SCUBE1: variants seen among roughly 807,000 people sequenced by gnomAD.
The protein encoded by SCUBE1 is signal peptide, CUB and EGF-like domain-containing protein 1.
SCUBE1 carries 59 observed loss-of-function variants against 124.4 expected under a neutral mutation model. The observed-to-expected ratio is 0.47, with a 90% CI of 0.38 to 0.59. SCUBE1 has a LOEUF of 0.59. Ranked by LOEUF, SCUBE1 falls within the 20% of genes least tolerant of loss-of-function variation. The probability of loss-of-function intolerance (pLI) is 0.00; values close to 1 mark genes in which losing one functional copy is unlikely to be tolerated. For missense variants in SCUBE1, 1,150 were observed against 1,371.2 expected (o/e 0.84, Z 2.55); for synonymous variants, 545 against 550.9 (o/e 0.99, Z 0.15).
At chr22:43,277,501 G>A (rs1391761075) in intron 4 of SCUBE1, among the ~76,000 whole-genome samples, 1 of 152,232 alleles carries the variant, frequency 6.6e-6, no homozygotes, top group African/African-American at 2.4e-5. Context: ...CATCTGGGCT[G>A]CACAGCACCC....
intron 14 of SCUBE1, 86 bp from the exon 15 acceptor site, chr22:43,218,544 C>T (rs1052947458): frequency 2.1e-6 from 3 of 1,436,168 alleles, no homozygotes; most frequent in African/African-American, 2.8e-5. Flanking sequence ...CCGTGCCAGG[C>T]CCTGCACTGG....
intron 15 of SCUBE1, among the ~76,000 whole-genome samples, chr22:43,215,395 G>T (rs1921765553): frequency 1.3e-5 from 2 of 152,254 alleles, no homozygotes; most frequent in African/African-American, 4.8e-5. Flanking sequence ...CTTTCCTACA[G>T]GAGAATGTGA....
chr22:43,292,659 A>T (rs1925409550), intron 3 of SCUBE1, among the ~76,000 whole-genome samples: 1 of 151,930 alleles, frequency 6.6e-6, no homozygotes, highest in Admixed American at 6.6e-5. Flanking sequence ...TATTGGAACC[A>T]AAAGGATGTG....
rs1343069022 is a variant in SCUBE1, at chr22:43,255,061, T to A, written c.727+3158A>T. Among the ~76,000 whole-genome samples, 1 of 152,206 alleles carries A rather than the reference T, an allele frequency of 6.6e-6. No homozygotes were observed. Among genetic ancestry groups the A allele is most frequent in the African/African-American group, 2.4e-5 (1 of 41,452 alleles). On this transcript the variant is annotated intron_variant, in intron 6 of 21. Coordinates refer to ENST00000360835, the MANE Select transcript of SCUBE1 (RefSeq NM_173050.5). This position sits in a 1 kb window ranked among gnomAD's most constrained non-coding sequence, Gnocchi z 4.7. The stretch of plus-strand genomic sequence containing the variant: ...ACCCGTCTACTCAAATGCCCTCTTT[T>A]GTGGCTGAGTCTCAGTGCTGCTTTG...
intron 9 of SCUBE1, 81 bp from the exon 10 acceptor site, chr22:43,227,577 G>C: frequency 6.4e-7 from 1 of 1,558,312 alleles, no homozygotes; most frequent in South Asian, 1.1e-5. Flanking sequence ...CAGGGCAAGA[G>C]GGCAAGAATC....
At chr22:43,220,382 C>T (rs1360299023) in intron 14 of SCUBE1, 68 bp downstream of exon 14, 157 of 1,551,258 alleles carry the variant, frequency 1.0e-4, no homozygotes, top group Non-Finnish European at 1.3e-4. Flanking sequence ...GGCAGGCCCC[C>T]GGCAGCGCCA....
intron 15 of SCUBE1, among the ~76,000 whole-genome samples, chr22:43,216,843 T>C (rs981884986): frequency 2.1e-5 from 3 of 141,494 alleles, no homozygotes; most frequent in African/African-American, 8.0e-5. Context: ...GTGTCACCTC[T>C]TTATCAACAA....
intron 14 of SCUBE1, 84 bp downstream of exon 14, chr22:43,220,366 A>C (rs970933077): frequency 6.7e-7 from 1 of 1,482,392 alleles, no homozygotes; most frequent in African/African-American, 1.4e-5. Context: ...GCCTAGCTTC[A>C]TGCCTGGCAG....
chr22:43,250,799 G>A lies in SCUBE1; in HGVS notation c.727+7420C>T, dbSNP rs543737876. On this transcript the variant is annotated intron_variant, in intron 6 of 21. Transcript: ENST00000360835. The stretch of plus-strand genomic sequence containing the variant: ...CCCCACTGCTCTCATGGGGGTGGTG[G>A]GACCCCTGGAATGGGCTGGCTGTGA... Among the ~76,000 whole-genome samples the A allele has an allele frequency of 5.9e-5, 9 of 152,306 alleles. No individual in the cohort carries two copies. In the South Asian group the frequency reaches 1.7e-3, roughly 28 times the overall value.
rs1223332483 is a variant in SCUBE1, at chr22:43,203,981, G to A, written c.*16C>T. 1 of 1,613,806 alleles carries A rather than the reference G, an allele frequency of 6.2e-7. No homozygotes were observed. The highest frequency in any genetic ancestry group is 1.1e-5 in the South Asian group (1 of 91,068). On this transcript the variant is annotated 3_prime_UTR_variant, in exon 22 of 22. Transcript: ENST00000360835. ...CCGCGGACCAGGCCACCCCCAGGCA[G>A]GGCCGCTCCCCCCGGTTATTTGTAG... is the stretch of plus-strand genomic sequence containing the variant.
chr22:43,254,090 C>A (rs899310454), intron 6 of SCUBE1, among the ~76,000 whole-genome samples: 1 of 152,252 alleles, frequency 6.6e-6, no homozygotes, highest in Non-Finnish European at 1.5e-5. Context: ...CCAGCTCTTC[C>A]CAGGCCAACC....
rs1569010870 is a variant in SCUBE1 at position 43,281,503 on chromosome 22, ACC to A, written c.484+9541_484+9542del. 1.4e-4 allele frequency among the ~76,000 whole-genome samples: 5 copies of A among 36,866 alleles called. No homozygotes were observed. The East Asian group carries it at 4.2e-3, about 31-fold the overall frequency. The allele number at this position is 36,866 out of a possible 152,430, so 24.2% of individuals were successfully genotyped here. A position where few individuals can be genotyped will look rare whatever the true frequency, so the allele number is the denominator to read the frequency against. Reference sequence around the variant, plus strand: ...CTCCCTCTTTGGCCACCCTCCTGTCACCTCCTCCTCAGCCACCCTCCTGTCAC... The same window carrying A: ...CTCCCTCTTTGGCCACCCTCCTGTCATCCTCCTCAGCCACCCTCCTGTCAC... On this transcript the variant is annotated intron_variant, in intron 4 of 21. Transcript: ENST00000360835.
chr22:43,239,044 A>G, intron 6 of SCUBE1, 90 bp from the exon 7 acceptor site: 1 of 1,025,286 alleles, frequency 9.8e-7, no homozygotes. Flanking sequence ...ATGAGACAGG[A>G]GACGAGACCC....
chr22:43,328,367 G>C (rs979437070), intron 2 of SCUBE1, among the ~76,000 whole-genome samples: 2 of 152,120 alleles, frequency 1.3e-5, no homozygotes, highest in African/African-American at 4.8e-5. Flanking sequence ...CCACCCTCCT[G>C]CCAATTACAG....
In SCUBE1 at chr22:43,303,694, A is replaced by T. The variant is rs187471573; in HGVS notation, c.350-12514T>A. ...GTCTGTAGTTCTCCTCCTCTCAAAA[A>T]CCTAGCATGGCTTCCTATCACTTGA... On this transcript the variant is annotated intron_variant, in intron 3 of 21. Coordinates refer to ENST00000360835, the MANE Select transcript of SCUBE1 (RefSeq NM_173050.5). 2.3e-3 allele frequency among the ~76,000 whole-genome samples: 347 copies of T among 152,194 alleles called. 1 individual carries two copies. Among genetic ancestry groups the T allele is most frequent in the African/African-American group, 7.1e-3 (293 of 41,510 alleles).
chr22:43,241,433 C>T (rs1481155962), intron 6 of SCUBE1, among the ~76,000 whole-genome samples: 1 of 152,104 alleles, frequency 6.6e-6, no homozygotes, highest in Non-Finnish European at 1.5e-5. Context: ...GCTGTGCAGC[C>T]TCAATGGCAG....
Position 43,239,025 on chromosome 22 carries a change from A to C in SCUBE1, c.728-71T>G, listed in dbSNP as rs1922889919. ...CCACTGGCTTTCCCCTTCCGTGGAA[A>C]GATCTTCTATGAGACAGGAGACGAG... On this transcript the variant is annotated intron_variant, in intron 6 of 21. Transcript: ENST00000360835. 6 of 1,258,242 alleles carry C rather than the reference A, an allele frequency of 4.8e-6. No individual in the cohort carries two copies. In the South Asian group the frequency reaches 5.1e-5, roughly 11 times the overall value. The allele number at this position is 1,258,242 out of a possible 1,614,324, so 77.9% of individuals were successfully genotyped here.
chr22:43,229,679 G>A (rs1393805406), intron 8 of SCUBE1, among the ~76,000 whole-genome samples: 1 of 152,108 alleles, frequency 6.6e-6, no homozygotes, highest in African/African-American at 2.4e-5. Flanking sequence ...AACCACACAG[G>A]TAAAAAGAGA....
At chr22:43,320,946 C>T (rs989170253) in intron 2 of SCUBE1, among the ~76,000 whole-genome samples, 11 of 152,218 alleles carry the variant, frequency 7.2e-5, no homozygotes, top group African/African-American at 2.4e-4. Context: ...GAGAATTTGC[C>T]AGCCTGGTGG....
Sources: gnomAD v4.1 joint callset for allele counts (sites outside exome capture counted in the v4.1 genomes callset) on GRCh38, gnomAD v4.1.1 for gene constraint, Gnocchi (gnomAD v3.1) non-coding constraint, MANE v1.5 for transcripts, NCBI Gene and HGNC (gene_info 2026-07-23, HGNC 2026-07-21) for gene names.